RBFOX1: variants seen among roughly 807,000 people sequenced by gnomAD.
RBFOX1 encodes RNA binding fox-1 homolog 1.
RBFOX1 carries 8 observed loss-of-function variants against 57.7 expected under a neutral mutation model. The observed-to-expected ratio is 0.14, with a 90% CI of 0.08 to 0.25. The LOEUF (loss-of-function observed/expected upper bound fraction) is 0.25. Among genes scored for constraint, RBFOX1 ranks in the 10% least tolerant of loss-of-function variants. The pLI, the probability that RBFOX1 is intolerant of heterozygous loss-of-function variation, is 1.00. For synonymous variants in RBFOX1, 326 were observed against 222.4 expected (o/e 1.47, Z -4.15); for missense variants, 611 against 548.5 (o/e 1.11, Z -1.14).
At chr16:6,457,140 G>C (rs1748343780) in intron 2 of RBFOX1, among the ~76,000 whole-genome samples, 1 of 152,158 alleles carries the variant, frequency 6.6e-6, no homozygotes, top group Admixed American at 6.5e-5. Context: ...GAAAATCCAA[G>C]ACGTCTTTGG....
intron 10 of RBFOX1, among the ~76,000 whole-genome samples, chr16:7,622,474 G>A (rs2059455343): frequency 1.3e-5 from 2 of 152,296 alleles, no homozygotes; most frequent in East Asian, 1.9e-4. Flanking sequence ...AGGAGATTAA[G>A]TGAACAGTTG....
chr16:6,922,794 G>T lies in RBFOX1; in HGVS notation c.-15-129263G>T, dbSNP rs2074763164. Among the ~76,000 whole-genome samples the T allele has an allele frequency of 2.0e-5, 3 of 152,258 alleles. No homozygotes were observed. The South Asian group carries it at 6.2e-4, about 32-fold the overall frequency. ...GTGACTGTGAGTAATAAATCAGGAG[G>T]TCAGCGTTCATCACAGGTGGGATTG... is the stretch of plus-strand genomic sequence containing the variant. On this transcript the variant is annotated intron_variant, in intron 3 of 15. Transcript: ENST00000550418.
At chr16:5,708,584 C>T (rs889423432) in intron 3 of RBFOX1, among the ~76,000 whole-genome samples, 1 of 152,208 alleles carries the variant, frequency 6.6e-6, no homozygotes, top group Non-Finnish European at 1.5e-5. Context: ...ACCCCCACCA[C>T]CTCAACCATG....
At chr16:6,892,445 G>T (rs773592016) in intron 3 of RBFOX1, among the ~76,000 whole-genome samples, 2 of 152,146 alleles carry the variant, frequency 1.3e-5, no homozygotes, top group Non-Finnish European at 2.9e-5. Flanking sequence ...CGAAGTGGGT[G>T]GATCCCTTGA....
chr16:6,593,553 C>G (rs1411851264), intron 2 of RBFOX1, among the ~76,000 whole-genome samples: 1 of 152,068 alleles, frequency 6.6e-6, no homozygotes, highest in East Asian at 1.9e-4. Context: ...TGTGGCTTTG[C>G]TTTGGTCCTA....
intron 3 of RBFOX1, among the ~76,000 whole-genome samples, chr16:5,790,869 T>TG (rs1208258696): frequency 7.3e-4 from 96 of 131,850 alleles, no homozygotes; most frequent in South Asian, 4.5e-3. Flanking sequence ...ATTTTTTTTT[T>TG]TTTTGTTTTT....
intron 1 of RBFOX1, among the ~76,000 whole-genome samples, chr16:6,099,606 A>C (rs537026776): frequency 6.6e-6 from 1 of 152,240 alleles, no homozygotes; most frequent in Non-Finnish European, 1.5e-5. Flanking sequence ...AACTTGATAG[A>C]GGTAGTGGCT....
intron 3 of RBFOX1, among the ~76,000 whole-genome samples, chr16:6,955,766 C>T (rs545052970): frequency 6.6e-6 from 1 of 152,022 alleles, no homozygotes; most frequent in East Asian, 1.9e-4. Context: ...TGCAGTGCCG[C>T]TATCTTGGGG....
At chr16:5,295,202 C>T (rs2063636327) in intron 1 of RBFOX1, among the ~76,000 whole-genome samples, 1 of 152,046 alleles carries the variant, frequency 6.6e-6, no homozygotes, top group Admixed American at 6.6e-5. Context: ...AACATCACAG[C>T]ATCACAGCCT....
At chr16:7,309,970 A>G (rs1374863522) in intron 4 of RBFOX1, among the ~76,000 whole-genome samples, 2 of 152,124 alleles carry the variant, frequency 1.3e-5, no homozygotes, top group African/African-American at 4.8e-5. Flanking sequence ...TTCATCAATA[A>G]AGTTTCCTAT....
At chr16:5,955,118 T>TAAAAAAAAAAAAAAAAAAAAAAA (rs34488881) in intron 4 of RBFOX1, among the ~76,000 whole-genome samples, 2 of 14,290 alleles carry the variant, frequency 1.4e-4, no homozygotes, top group Non-Finnish European at 1.1e-4. Context: ...CCATCTCTAC[T>TAAAAAAAAAAAAAAAAAAAAAAA]AAAAAAAAAA....
At chr16:6,247,114 C>T (rs1291885332) in intron 1 of RBFOX1, among the ~76,000 whole-genome samples, 1 of 152,164 alleles carries the variant, frequency 6.6e-6, no homozygotes, top group African/African-American at 2.4e-5. Flanking sequence ...TAGCATTGGT[C>T]ACTTTCAATC....
intron 5 of RBFOX1, among the ~76,000 whole-genome samples, chr16:7,571,656 C>A (rs2092789338): frequency 6.6e-6 from 1 of 152,168 alleles, no homozygotes; most frequent in Non-Finnish European, 1.5e-5. Context: ...GGCCTTCACA[C>A]TGGGCCCGGG....
intron 1 of RBFOX1, among the ~76,000 whole-genome samples, chr16:6,231,839 T>G (rs1277610982): frequency 2.0e-5 from 3 of 151,002 alleles, no homozygotes; most frequent in South Asian, 2.1e-4. Flanking sequence ...CAGTTTTTTT[T>G]TTTTTTTTTT....
chr16:5,827,212 C>T (rs1341455612), intron 3 of RBFOX1, among the ~76,000 whole-genome samples: 1 of 151,892 alleles, frequency 6.6e-6, no homozygotes, highest in African/African-American at 2.4e-5. Context: ...CCAGCCTGGC[C>T]AACATGGTGA....
At chr16:7,701,188 A>C (rs868006242) in intron 14 of RBFOX1, among the ~76,000 whole-genome samples, 1 of 145,446 alleles carries the variant, frequency 6.9e-6, no homozygotes, top group Non-Finnish European at 1.5e-5. Flanking sequence ...AGATGACTCC[A>C]TGTTATCTTG....
chr16:5,411,207 C>G (rs1026606213), intron 1 of RBFOX1, among the ~76,000 whole-genome samples: 2 of 152,184 alleles, frequency 1.3e-5, no homozygotes, highest in African/African-American at 4.8e-5. Flanking sequence ...AAAGTGCGAA[C>G]AAGTCACCTT....
chr16:7,520,772 T>G (rs532411101), intron 5 of RBFOX1, among the ~76,000 whole-genome samples: 1 of 152,232 alleles, frequency 6.6e-6, no homozygotes, highest in South Asian at 2.1e-4. Context: ...TGTTGGCTAT[T>G]TTGTGACAAT....
chr16:5,991,149 A>T (rs1187026615), intron 4 of RBFOX1, among the ~76,000 whole-genome samples: 3 of 152,158 alleles, frequency 2.0e-5, no homozygotes, highest in Non-Finnish European at 4.4e-5. Flanking sequence ...TTGGGGGGTG[A>T]CTGTAGGGTT....
Sources: gnomAD v4.1 joint callset for allele counts (sites outside exome capture counted in the v4.1 genomes callset) on GRCh38, gnomAD v4.1.1 for gene constraint, MANE v1.5 for transcripts, NCBI Gene and HGNC (gene_info 2026-07-23, HGNC 2026-07-21) for gene names.